Variants in LARGE1 observed in about 807,000 individuals in gnomAD.
The protein encoded by LARGE1 is xylosyl- and glucuronyltransferase LARGE1.
LARGE1 carries 43 observed loss-of-function variants against 87.6 expected under a neutral mutation model. That is an observed-to-expected ratio of 0.49 (90% CI 0.38 to 0.63). The LOEUF is 0.63. Among genes scored for constraint, LARGE1 ranks in the 30% least tolerant of loss-of-function variants. The pLI is 0.00. For missense variants in LARGE1, 802 were observed against 1,000.2 expected (o/e 0.80, Z 2.67); for synonymous variants, 434 against 394.6 (o/e 1.10, Z -1.18).
chr22:33,360,417 A>T (rs1289413083), intron 9 of LARGE1, among the ~76,000 whole-genome samples: 1 of 149,704 alleles, frequency 6.7e-6, no homozygotes, highest in Non-Finnish European at 1.5e-5. Context: ...ATCTGCTTCT[A>T]GAGAGGCCTC....
intron 11 of LARGE1, among the ~76,000 whole-genome samples, chr22:33,181,678 G>GC: frequency 6.6e-6 from 1 of 151,844 alleles, no homozygotes; most frequent in Non-Finnish European, 1.5e-5. Flanking sequence ...ACAAGCGCCC[G>GC]CCACCACACC....
chr22:33,601,672 G>A (rs1397089087), intron 5 of LARGE1, among the ~76,000 whole-genome samples: 1 of 152,168 alleles, frequency 6.6e-6, no homozygotes, highest in East Asian at 1.9e-4. Flanking sequence ...GAGACAGGTG[G>A]TTAATTGGTA....
intron 11 of LARGE1, among the ~76,000 whole-genome samples, chr22:33,198,738 C>A (rs1401806709): frequency 6.6e-6 from 1 of 151,672 alleles, no homozygotes; most frequent in Non-Finnish European, 1.5e-5. Flanking sequence ...TTGTCTTCAT[C>A]CAGTCCTCCG....
At chr22:33,256,520 A>G (rs1200582447) in intron 11 of LARGE1, among the ~76,000 whole-genome samples, 1 of 152,194 alleles carries the variant, frequency 6.6e-6, no homozygotes, top group East Asian at 1.9e-4. Context: ...AGCTTGCAAC[A>G]TTGGCTGGTA....
At chr22:33,522,248 G>A (rs952669549) in intron 6 of LARGE1, among the ~76,000 whole-genome samples, 7 of 152,218 alleles carry the variant, frequency 4.6e-5, no homozygotes, top group Non-Finnish European at 8.8e-5. Context: ...CTGAGGAAGA[G>A]CAAGACAAAT....
At chr22:33,604,736 G>A (rs1326481865) in intron 4 of LARGE1, among the ~76,000 whole-genome samples, 178 bp from the exon 5 acceptor site, 2 of 152,146 alleles carry the variant, frequency 1.3e-5, no homozygotes, top group Non-Finnish European at 2.9e-5. Flanking sequence ...GAGCTGAAAA[G>A]GAGAGAAGTC....
At position 33,597,252 on chromosome 22, in the gene LARGE1, C is replaced by T. The variant is rs369493498; in HGVS notation, c.615+7183G>A. On this transcript the variant is annotated intron_variant, in intron 5 of 14. Transcript: ENST00000397394. ...ATATGTGATCTCTTGTTGGGCAATT[C>T]AGTTGCACTTCTTGGCCTAATTCAT... 3.0e-4 allele frequency among the ~76,000 whole-genome samples: 43 copies of T among 143,354 alleles called. 1 individual carries two copies. In the East Asian group the frequency reaches 6.4e-3, roughly 21 times the overall value. The allele number at this position is 143,354 out of a possible 152,430, so 94.0% of individuals were successfully genotyped here. A position where few individuals can be genotyped will look rare whatever the true frequency, so the allele number is the denominator to read the frequency against.
rs1372437626 is a variant in LARGE1 at position 33,458,351 on chromosome 22, G to C, written c.788-26086C>G. ...GATCTCCTGACCTCATGATCCGCCC[G>C]CCTTGGCCTCCCAAAGTGCTGGGAT... On this transcript the variant is annotated intron_variant, in intron 6 of 14. Transcript: ENST00000397394. Among the ~76,000 whole-genome samples, 31 of 151,954 alleles carry C rather than the reference G, an allele frequency of 2.0e-4. No individual in the cohort carries two copies. In the East Asian group the frequency reaches 5.6e-3, roughly 28 times the overall value.
At chr22:33,553,368 T>C (rs968327959) in intron 6 of LARGE1, among the ~76,000 whole-genome samples, 12 of 145,998 alleles carry the variant, frequency 8.2e-5, no homozygotes. Context: ...AAAAAAAAAA[T>C]AGCCAGACGT....
At chr22:33,507,101 C>T (rs1339853789) in intron 6 of LARGE1, among the ~76,000 whole-genome samples, 1 of 152,136 alleles carries the variant, frequency 6.6e-6, no homozygotes, top group African/African-American at 2.4e-5. Context: ...CAAGTAAACA[C>T]CCCCCAACCC....
chr22:33,531,013 C>T (rs182889725), intron 6 of LARGE1, among the ~76,000 whole-genome samples: 91 of 152,322 alleles, frequency 6.0e-4, no homozygotes, highest in Admixed American at 1.2e-3. Context: ...CATCTTCACA[C>T]TAACAGATGT....
At chr22:33,830,889 T>A (rs772539134) in intron 1 of LARGE1, among the ~76,000 whole-genome samples, 2 of 152,134 alleles carry the variant, frequency 1.3e-5, no homozygotes, top group African/African-American at 2.4e-5. Flanking sequence ...CTCTCTGAGG[T>A]CTCTTTATAT....
Position 33,756,965 on chromosome 22 carries a change from G to A in LARGE1, c.106+4406C>T, listed in dbSNP as rs149273676. Among the ~76,000 whole-genome samples, 16 of 152,290 alleles carry A rather than the reference G, an allele frequency of 1.1e-4. 1 individual carries two copies. The East Asian group carries it at 2.7e-3, about 26-fold the overall frequency. ...CTCCCAAGTTTAGGGCCTGAACGGC[G>A]TAGAGCTGGGAATGCTGACTGAGAT... On this transcript the variant is annotated intron_variant, in intron 2 of 14. Coordinates refer to ENST00000397394, the MANE Select transcript of LARGE1 (RefSeq NM_133642.5).
the LARGE1 span, among the ~76,000 whole-genome samples, chr22:33,110,972 G>A: frequency 2.0e-5 from 3 of 152,206 alleles, no homozygotes; most frequent in African/African-American, 7.2e-5. Context: ...TCTGCTTTTA[G>A]GAGGCTTATA....
chr22:33,254,119 C>T (rs562249360), intron 11 of LARGE1, among the ~76,000 whole-genome samples: 3 of 152,224 alleles, frequency 2.0e-5, no homozygotes, highest in African/African-American at 7.2e-5. Context: ...GCCACTACCA[C>T]GTGCATTTGG....
rs1353369950 is a variant in LARGE1, at chr22:33,313,628, AG to A, written c.1451+2456del. Among the ~76,000 whole-genome samples, 4 of 152,188 alleles carry A rather than the reference AG, an allele frequency of 2.6e-5. No homozygotes were observed. The East Asian group carries it at 7.7e-4, about 29-fold the overall frequency. On this transcript the variant is annotated intron_variant, in intron 11 of 14. Transcript: ENST00000397394. ...GCCTTGAAGAAGTGGGCTGCCCTGCAGGGAGGGGGCTGCATGGCTAGGAACT... is the reference window on the plus strand; with the variant it reads ...GCCTTGAAGAAGTGGGCTGCCCTGCAGGAGGGGGCTGCATGGCTAGGAACT...
At chr22:33,428,881 G>C (rs916528600) in intron 7 of LARGE1, among the ~76,000 whole-genome samples, 1 of 141,508 alleles carries the variant, frequency 7.1e-6, no homozygotes, top group Non-Finnish European at 1.5e-5. Flanking sequence ...AGTGAGCCGA[G>C]ATTGCGCCAC....
the LARGE1 span, among the ~76,000 whole-genome samples, chr22:33,147,740 T>C: frequency 6.6e-6 from 1 of 152,220 alleles, no homozygotes; most frequent in Non-Finnish European, 1.5e-5. Context: ...TACGCTTTTT[T>C]TGGGTAAATA....
chr22:33,574,591 T>C (rs2078297112), intron 5 of LARGE1, among the ~76,000 whole-genome samples: 1 of 151,880 alleles, frequency 6.6e-6, no homozygotes, highest in Non-Finnish European at 1.5e-5. Context: ...GAAATAAACC[T>C]TAAATTTGGT....
Sources: allele counts gnomAD v4.1 joint callset (sites outside exome capture counted in the v4.1 genomes callset), GRCh38; gene constraint gnomAD v4.1.1; transcripts MANE v1.5; gene names NCBI Gene and HGNC (gene_info 2026-07-23, HGNC 2026-07-21).